The following DNAH2 variants were observed in gnomAD, a reference collection of about 807,000 sequenced individuals.
DNAH2 encodes axonemal beta dynein heavy chain 2.
DNAH2 carries 323 observed loss-of-function variants against 523.5 expected under a neutral mutation model. That is an observed-to-expected ratio of 0.62 (90% confidence interval 0.56 to 0.68). DNAH2 has a LOEUF of 0.68. DNAH2 is among the 30% of genes least tolerant of loss of function. DNAH2 has a pLI of 0.00. For missense variants in DNAH2, 4,907 were observed against 5,701.5 expected (o/e 0.86, Z 4.49); for synonymous variants, 2,093 against 2,177.4 (o/e 0.96, Z 1.08).
chr17:7,738,498 T>G (rs1183097406), intron 8 of DNAH2, among the ~76,000 whole-genome samples: 2 of 151,826 alleles, frequency 1.3e-5, no homozygotes, highest in Non-Finnish European at 2.9e-5. Flanking sequence ...CCAGGCTAAT[T>G]TTTTGTATTT....
chr17:7,766,750 C>T (rs58635168), intron 22 of DNAH2, among the ~76,000 whole-genome samples: 3 of 144,400 alleles, frequency 2.1e-5, no homozygotes, highest in Non-Finnish European at 3.0e-5. Context: ...CGGGTTCAAG[C>T]GATTCTCATG....
At chr17:7,833,351 G>A in intron 85 of DNAH2, 28 bp from the exon 86 acceptor site, 1 of 1,612,306 alleles carries the variant, frequency 6.2e-7, no homozygotes, top group Non-Finnish European at 8.5e-7. Context: ...GGCTCCAGGG[G>A]TCTGACTTCT....
intron 5 of DNAH2, among the ~76,000 whole-genome samples, 181 bp from the exon 6 acceptor site, chr17:7,734,002 G>C (rs1463606891): frequency 1.3e-5 from 2 of 152,126 alleles, no homozygotes; most frequent in Admixed American, 1.3e-4. Flanking sequence ...AACTCCATGA[G>C]GTTTCCCTCT....
At chr17:7,830,555 C>T in intron 78 of DNAH2, 64 bp downstream of exon 78, 1 of 1,604,864 alleles carries the variant, frequency 6.2e-7, no homozygotes, top group Middle Eastern at 1.7e-4. Context: ...CCCATGGCTC[C>T]CCTGTGGGAA....
chr17:7,778,166 C>G lies in DNAH2; in HGVS notation c.5337C>G (p.Thr1779=). The G allele has an allele frequency of 6.2e-7, 1 of 1,614,218 alleles. No homozygotes were observed. The highest frequency in any genetic ancestry group is 8.5e-7 in the Non-Finnish European group (1 of 1,180,054). ...YLGNSGRLVI[T]PLTDRCYMTL... ...GTAACTCGGGCCGGCTCGTCATCAC[C>G]CCCCTGACGGACAGGTCTGCCATGT... The change falls in exon 34 of 86, where the codon ACC becomes ACG. Residue 1779 remains threonine, a synonymous_variant. Transcript: ENST00000572933.
chr17:7,819,050 A>G lies in DNAH2; in HGVS notation c.10802A>G (p.Asp3601Gly). ...ETSETTEINT[D>G]LAREAYRPCA... is the part of the protein sequence containing the mutation. ...AGTGAGACCACAGAGATCAACACTG[A>G]CTTGGCGCGGGAGGTAAGCTCCCGG... Residue 3601 changes from aspartate (D) to glycine (G), a missense_variant, in exon 71 of 86, where the codon GAC (aspartate) becomes GGC (glycine). Coordinates refer to ENST00000572933, the MANE Select transcript of DNAH2 (RefSeq NM_020877.5). The G allele has an allele frequency of 6.2e-7, 1 of 1,605,630 alleles. No homozygotes were observed. Among genetic ancestry groups the G allele is most frequent in the Non-Finnish European group, 8.5e-7 (1 of 1,179,082 alleles).
At chr17:7,747,690 A>G (rs2151170336) in intron 12 of DNAH2, among the ~76,000 whole-genome samples, 1 of 152,332 alleles carries the variant, frequency 6.6e-6, no homozygotes, top group East Asian at 1.9e-4. Flanking sequence ...TCTGAAATCC[A>G]AATAATGGCG....
intron 10 of DNAH2, 32 bp downstream of exon 10, chr17:7,740,581 C>T (rs370675990): frequency 3.7e-6 from 6 of 1,608,766 alleles, no homozygotes; most frequent in Admixed American, 3.3e-5. Context: ...CTCGGCTTCC[C>T]GTCCCGCGTG....
In DNAH2 at chr17:7,754,731, C is replaced by G. The variant is rs1457612718; in HGVS notation, c.1905-2360C>G. The G allele has an allele frequency of 3.6e-6, 4 of 1,101,226 alleles. No homozygotes were observed. The highest frequency in any genetic ancestry group is 5.5e-6 in the Non-Finnish European group (4 of 731,292). The allele number at this position is 1,101,226 out of a possible 1,614,324, so 68.2% of individuals were successfully genotyped here. On this transcript the variant is annotated intron_variant, in intron 12 of 85. Transcript: ENST00000572933. The surrounding 1 kb of genome is among the most constrained non-coding windows in gnomAD (Gnocchi z 4.6). ...TGCTCGTGCCCGCATGGCCAAGGGG[C>G]TCAGGCTGTGCCGGCCCAAGGCCAA...
Position 7,796,625 on chromosome 17 carries a change from C to T in DNAH2, c.7836C>T (p.Tyr2612=), listed in dbSNP as rs745616275. ...RFLPTPTKMH[Y]LFNLRDISKV... ...TGCCCACGCCCACCAAGATGCATTA[C>T]CTCTTCAACCTTCGAGACATCTCCA... is the stretch of plus-strand genomic sequence containing the variant. Residue 2612 remains tyrosine (Y), a synonymous_variant, in exon 50 of 86, where the codon TAC becomes TAT. Transcript: ENST00000572933. The T allele has an allele frequency of 2.5e-6, 4 of 1,612,876 alleles. No individual in the cohort carries two copies. Among genetic ancestry groups the T allele is most frequent in the African/African-American group, 1.3e-5 (1 of 74,688 alleles).
Position 7,828,637 on chromosome 17 carries a change from T to A in DNAH2, c.11854-1663T>A, listed in dbSNP as rs1176195081. Among the ~76,000 whole-genome samples, 1 of 151,996 alleles carries A rather than the reference T, an allele frequency of 6.6e-6. No homozygotes were observed. Among genetic ancestry groups the A allele is most frequent in the Non-Finnish European group, 1.5e-5 (1 of 68,028 alleles). On this transcript the variant is annotated intron_variant, in intron 77 of 85. Transcript: ENST00000572933. The surrounding 1 kb of genome is among the most constrained non-coding windows in gnomAD (Gnocchi z 4.1). ...TTTTATTTTTTAAATAGAGACAGAGTCTTGTTACGTTGCCTGGGTTGGTCT... is the reference window on the plus strand; with the variant it reads ...TTTTATTTTTTAAATAGAGACAGAGACTTGTTACGTTGCCTGGGTTGGTCT...
rs1359056149 is a variant in DNAH2 at position 7,740,919 on chromosome 17, C to T, written c.1616C>T (p.Pro539Leu). The part of the protein sequence containing the change: ...ERNKKWPDLE[P>L]YVAQYSGKAR... Reference sequence around the variant, plus strand: ...AACAAGAAATGGCCAGACCTGGAGCCCTACGTGGCCCAGTATTCCGGAAAG... The same window carrying T: ...AACAAGAAATGGCCAGACCTGGAGCTCTACGTGGCCCAGTATTCCGGAAAG... Residue 539 changes from proline (P) to leucine (L), a missense_variant, in exon 11 of 86, where the codon CCC becomes CTC. Transcript: ENST00000572933. 1 of 1,613,748 alleles carries T rather than the reference C, an allele frequency of 6.2e-7. No homozygotes were observed. The highest frequency in any genetic ancestry group is 8.5e-7 in the Non-Finnish European group (1 of 1,179,658).
intron 33 of DNAH2, among the ~76,000 whole-genome samples, chr17:7,777,865 G>A (rs1205483761): frequency 6.6e-6 from 1 of 152,086 alleles, no homozygotes; most frequent in Non-Finnish European, 1.5e-5. Context: ...AACACTCCAG[G>A]CAGCTGCTGC....
At position 7,727,334 on chromosome 17, in the gene DNAH2, G is replaced by C. The variant is rs777524707; in HGVS notation, c.399+42G>C. 1.5e-5 allele frequency: 23 copies of C among 1,570,352 alleles called. No homozygotes were observed. In the South Asian group the frequency reaches 2.7e-4, roughly 18 times the overall value. ...CCCAGATCAAAGGTGGTCCTACAGA[G>C]AGCCGAGGGCTCTCAGTTCCTTCAT... On this transcript the variant is annotated intron_variant, in intron 4 of 85. Coordinates refer to ENST00000572933, the MANE Select transcript of DNAH2 (RefSeq NM_020877.5).
Position 7,766,301 on chromosome 17 carries a change from T to A in DNAH2, c.3512-17T>A. On this transcript the variant is annotated splice_polypyrimidine_tract_variant and intron_variant, in intron 21 of 85. Transcript: ENST00000572933. ...GACGTGAGCGGGAAGCTGAGCTTCATCCTGAATCCTCCACAGGCCATTTCA... is the reference window on the plus strand; with the variant it reads ...GACGTGAGCGGGAAGCTGAGCTTCAACCTGAATCCTCCACAGGCCATTTCA... The A allele has an allele frequency of 6.2e-7, 1 of 1,609,314 alleles. No homozygotes were observed. The highest frequency in any genetic ancestry group is 8.5e-7 in the Non-Finnish European group (1 of 1,176,224).
Position 7,830,376 on chromosome 17 carries a change from A to T in DNAH2, c.11930A>T (p.Lys3977Ile). ...PQFSRCSKPA[K>I]YKKLLFSLCF... is the part of the protein sequence containing the mutation. ...TTTTCCCGCTGCTCCAAACCTGCCA[A>T]ATATAAGAAGCTGCTGTTTTCACTC... is the stretch of plus-strand genomic sequence containing the variant. Residue 3977 changes from lysine to isoleucine, a missense_variant, in exon 78 of 86, where the codon AAA becomes ATA. By Grantham distance (102) the Lys-to-Ile change is moderately radical (BLOSUM62 -3). Coordinates refer to ENST00000572933, the MANE Select transcript of DNAH2 (RefSeq NM_020877.5). 1.2e-6 allele frequency: 2 copies of T among 1,614,244 alleles called. No individual in the cohort carries two copies.
At position 7,780,901 on chromosome 17, in the gene DNAH2, T is replaced by A. The variant is rs2076586996; in HGVS notation, c.6003+119T>A. 6.3e-7 allele frequency: 1 copy of A among 1,581,042 alleles called. No individual in the cohort carries two copies. The highest frequency in any genetic ancestry group is 8.6e-7 in the Non-Finnish European group (1 of 1,160,312). On this transcript the variant is annotated intron_variant, in intron 38 of 85. Coordinates refer to ENST00000572933, the MANE Select transcript of DNAH2 (RefSeq NM_020877.5). The surrounding 1 kb of genome is among the most constrained non-coding windows in gnomAD (Gnocchi z 4.4). ...TTGGGATTCTCACCTTCCCACCTCGTCCCATCCCCGTGTTGCCCGCTGCTT... is the reference window on the plus strand; with the variant it reads ...TTGGGATTCTCACCTTCCCACCTCGACCCATCCCCGTGTTGCCCGCTGCTT...
In DNAH2 at chr17:7,807,462, C is replaced by T; in HGVS notation, c.9613-8C>T. The T allele has an allele frequency of 6.2e-7, 1 of 1,613,066 alleles. No individual in the cohort carries two copies. The highest frequency in any genetic ancestry group is 1.7e-5 in the Admixed American group (1 of 60,020). On this transcript the variant is annotated splice_polypyrimidine_tract_variant and splice_region_variant and intron_variant, in intron 62 of 85. Transcript: ENST00000572933. The surrounding 1 kb of genome is among the most constrained non-coding windows in gnomAD (Gnocchi z 5.6). ...GGCGACTCCCACAGCCTGACTGTCT[C>T]CCCACAGCTGTATGGGCGGCTATAT...
In DNAH2 at chr17:7,831,408, G is replaced by A; in HGVS notation, c.12478G>A (p.Asp4160Asn). 2 of 1,614,144 alleles carry A rather than the reference G, an allele frequency of 1.2e-6. No homozygotes were observed. The highest frequency in any genetic ancestry group is 1.7e-6 in the Non-Finnish European group (2 of 1,180,024). ...TGCTCAGGTCCTTGAGTTGGCCGCT[G>A]ATGTGAAGCAGAAGATCCCTGAAAT... ...REEKVLELAA[D>N]VKQKIPEMID... Residue 4160 changes from aspartate to asparagine, a missense_variant, in exon 81 of 86, where the codon GAT becomes AAT. Physicochemically the swap from Asp to Asn is conservative, Grantham distance 23. Transcript: ENST00000572933. The surrounding 1 kb of genome is among the most constrained non-coding windows in gnomAD (Gnocchi z 4.2).
Sources: gnomAD v4.1 joint callset for allele counts (sites outside exome capture counted in the v4.1 genomes callset) on GRCh38, gnomAD v4.1.1 for gene constraint, Gnocchi (gnomAD v3.1) non-coding constraint, MANE v1.5 for transcripts, NCBI Gene and HGNC (gene_info 2026-07-23, HGNC 2026-07-21) for gene names.